Variants in SENP1 observed in about 807,000 individuals in gnomAD.
SENP1 encodes SUMO specific peptidase 1.
SENP1 carries 21 observed loss-of-function variants against 93.0 expected under a neutral mutation model. That is an observed-to-expected ratio of 0.23 (90% confidence interval 0.16 to 0.33). The LOEUF is 0.33. Among genes scored for constraint, SENP1 ranks in the 10% least tolerant of loss-of-function variants. The pLI, the probability that SENP1 is intolerant of heterozygous loss-of-function variation, is 1.00. For missense variants in SENP1, 591 were observed against 758.7 expected (o/e 0.78, Z 2.60); for synonymous variants, 256 against 259.6 (o/e 0.99, Z 0.13).
intron 13 of SENP1, among the ~76,000 whole-genome samples, chr12:48,057,984 T>C (rs1444503912): frequency 1.5e-5 from 2 of 131,450 alleles, no homozygotes; most frequent in Non-Finnish European, 3.1e-5. Flanking sequence ...TCTCGCTCCA[T>C]TGCCCAGGCT....
chr12:48,051,520 GT>G (rs1314969097), intron 13 of SENP1, among the ~76,000 whole-genome samples: 1 of 152,206 alleles, frequency 6.6e-6, no homozygotes, highest in Admixed American at 6.5e-5. Flanking sequence ...CTGGATTCAA[GT>G]CTTTCTCCTC....
At chr12:48,056,979 T>C (rs1942546802) in intron 13 of SENP1, among the ~76,000 whole-genome samples, 1 of 45,366 alleles carries the variant, frequency 2.2e-5, no homozygotes, top group Admixed American at 4.2e-4. Flanking sequence ...TATTACATAT[T>C]ACATATATAA....
At chr12:48,085,715 CAAAAAAAAAAAAAA>C (rs200416260) in intron 5 of SENP1, among the ~76,000 whole-genome samples, 8 of 116,292 alleles carry the variant, frequency 6.9e-5, no homozygotes, top group African/African-American at 2.0e-4. Flanking sequence ...TTGCTTCTCT[CAAAAAAAAAAAAAA>C]AAAAAAAAAA....
rs114609427 is a variant in SENP1, at chr12:48,094,167, G to A, written c.220+2176C>T. On this transcript the variant is annotated intron_variant, in intron 4 of 17. Coordinates refer to ENST00000549518, the MANE Select transcript of SENP1 (RefSeq NM_001267594.2). ...AGGCAGAAGAATCACTTGAGCCCAG[G>A]AGTTTGAGACCAGTCTGTGCAATAC... is the stretch of plus-strand genomic sequence containing the variant. 4.9e-3 allele frequency among the ~76,000 whole-genome samples: 747 copies of A among 152,206 alleles called. 11 individuals carry two copies. Among genetic ancestry groups the A allele is most frequent in the African/African-American group, 0.017 (719 of 41,516 alleles).
At chr12:48,057,038 ATATAT>A (rs1395971516) in intron 13 of SENP1, among the ~76,000 whole-genome samples, 1 of 43,678 alleles carries the variant, frequency 2.3e-5, no homozygotes, top group Non-Finnish European at 3.2e-5. Flanking sequence ...ATATTATTTA[ATATAT>A]TATATATTAC....
chr12:48,048,994 C>G lies in SENP1; in HGVS notation c.1546G>C (p.Val516Leu), dbSNP rs754290975. 6.2e-7 allele frequency: 1 copy of G among 1,613,776 alleles called. No homozygotes were observed. Among genetic ancestry groups the G allele is most frequent in the South Asian group, 1.1e-5 (1 of 91,084 alleles). The change falls in exon 14 of 18, where the codon GTA (valine) becomes CTA (leucine). Residue 516 changes from valine (V) to leucine (L), a missense_variant. Around this residue, in one of 4 missense-constraint regions of SENP1, gnomAD observed 132 missense variants for 230.1 expected, o/e 0.57. Transcript: ENST00000549518. ...YQAVKRWTKK[V>L]DVFSVDILLV... ...AGAATGTCAACAGAAAATACATCTA[C>G]TTTCTTTGTCCAACGTTTCACTGCC...
In SENP1 at chr12:48,045,367, G is replaced by T; in HGVS notation, c.1890C>A (p.Phe630Leu). ...GGATCTCCCAGACCATCCGCTTCCG[G>T]AAGTATGGCATGTGTTGCTGTAGGG... The part of the protein sequence containing the change: ...INFTQQHMPY[F>L]RKRMVWEILH... Residue 630 changes from phenylalanine (F) to leucine (L), a missense_variant, in exon 18 of 18, where the codon TTC (phenylalanine) becomes TTA (leucine). Around this residue, in one of 4 missense-constraint regions of SENP1, gnomAD observed 132 missense variants for 230.1 expected, o/e 0.57. Coordinates refer to ENST00000549518, the MANE Select transcript of SENP1 (RefSeq NM_001267594.2). 1 of 1,613,684 alleles carries T rather than the reference G, an allele frequency of 6.2e-7. No individual in the cohort carries two copies. The highest frequency in any genetic ancestry group is 8.5e-7 in the Non-Finnish European group (1 of 1,179,710).
chr12:48,060,946 C>G (rs1025522921), intron 13 of SENP1, among the ~76,000 whole-genome samples: 29 of 152,124 alleles, frequency 1.9e-4, no homozygotes, highest in African/African-American at 6.8e-4. Context: ...TTAATCCTGT[C>G]AATCATTAGT....
intron 5 of SENP1, chr12:48,085,084 T>G (rs1944759927): frequency 5.2e-6 from 7 of 1,357,268 alleles, no homozygotes; most frequent in Middle Eastern, 3.6e-4. Context: ...AGGAAGCTCA[T>G]CGCAGTGATC....
At chr12:48,096,730 A>C (rs968837825) in intron 3 of SENP1, among the ~76,000 whole-genome samples, 1 of 152,230 alleles carries the variant, frequency 6.6e-6, no homozygotes, top group African/African-American at 2.4e-5. Context: ...TGCTGGGATT[A>C]CAGGCGTGAG....
chr12:48,069,152 C>CAGAA (rs1943500267), intron 9 of SENP1, among the ~76,000 whole-genome samples: 1 of 76,336 alleles, frequency 1.3e-5, no homozygotes, highest in Non-Finnish European at 2.2e-5. Context: ...GACTCTGTCA[C>CAGAA]AAAAAAAAAA....
intron 13 of SENP1, among the ~76,000 whole-genome samples, chr12:48,062,971 C>A (rs979863400): frequency 6.6e-6 from 1 of 151,920 alleles, no homozygotes; most frequent in Non-Finnish European, 1.5e-5. Context: ...TTGAGTATAC[C>A]CAGATTAGCC....
intron 13 of SENP1, among the ~76,000 whole-genome samples, chr12:48,057,133 AAT>A (rs1942585312): frequency 1.0e-5 from 1 of 99,346 alleles, no homozygotes; most frequent in South Asian, 3.0e-4. Context: ...TACATATATA[AAT>A]ATATTATTTA....
At chr12:48,054,491 A>G (rs72644842) in intron 13 of SENP1, among the ~76,000 whole-genome samples, 34,561 of 152,058 alleles carry the variant, frequency 0.23, 4,607 homozygotes, top group East Asian at 0.55. Context: ...ATGTCTTTAC[A>G]TTTAAAATGG....
chr12:48,093,986 G>A (rs1368416026), intron 4 of SENP1, among the ~76,000 whole-genome samples: 2 of 151,970 alleles, frequency 1.3e-5, no homozygotes, highest in African/African-American at 4.8e-5. Flanking sequence ...TAAAAATACT[G>A]AGTTAAAAAA....
Position 48,047,055 on chromosome 12 carries a change from G to C in SENP1, c.1699C>G (p.Leu567Val). The C allele has an allele frequency of 6.2e-7, 1 of 1,609,090 alleles. No individual in the cohort carries two copies. ...TTCTTGTCAATGCTTTCTTGCTTTA[G>C]GTATTGCCTAAAGGTATCAGGAGAG... is the stretch of plus-strand genomic sequence containing the variant. ...NEACRILLQY[L>V]KQESIDKKRK... Residue 567 changes from leucine to valine, a missense_variant, in exon 16 of 18, where the codon CTA becomes GTA. Leu to Val is a conservative substitution (Grantham distance 32, BLOSUM62 1). Around this residue, in one of 4 missense-constraint regions of SENP1, gnomAD observed 132 missense variants for 230.1 expected, o/e 0.57. Transcript: ENST00000549518.
At position 48,058,232 on chromosome 12, in the gene SENP1, C is replaced by T. The variant is rs146872930; in HGVS notation, c.1407+5478G>A. On this transcript the variant is annotated intron_variant, in intron 13 of 17. Coordinates refer to ENST00000549518, the MANE Select transcript of SENP1 (RefSeq NM_001267594.2). ...AAATGCTGGGATTACAGGCATGAGC[C>T]ACTGCACTCGGCCCATTTTACTTTT... 3.2e-4 allele frequency among the ~76,000 whole-genome samples: 48 copies of T among 152,192 alleles called. 1 individual carries two copies. The East Asian group carries it at 8.1e-3, about 26-fold the overall frequency.
chr12:48,055,497 C>A (rs1942169218), intron 13 of SENP1: 1 of 152,182 alleles, frequency 6.6e-6, no homozygotes, highest in Non-Finnish European at 1.5e-5. Context: ...CCATTGCATG[C>A]CTTTTTCCTG....
chr12:48,047,696 C>G (rs12296244), intron 15 of SENP1, among the ~76,000 whole-genome samples: 25,442 of 152,074 alleles, frequency 0.17, 2,473 homozygotes, highest in East Asian at 0.28. Context: ...ATCAAAGGCA[C>G]CTCTGTGGGC....
Sources: gnomAD v4.1 joint callset for allele counts (sites outside exome capture counted in the v4.1 genomes callset) on GRCh38, gnomAD v4.1.1 for gene constraint, gnomAD v4.1.1 regional missense constraint, MANE v1.5 for transcripts, NCBI Gene and HGNC (gene_info 2026-07-23, HGNC 2026-07-21) for gene names.